The following PTPN9 variants were observed in gnomAD, a reference collection of about 807,000 sequenced individuals.
PTPN9 encodes protein tyrosine phosphatase non-receptor type 9, also known as tyrosine-protein phosphatase non-receptor type 9.
Under a neutral mutation model 69.8 loss-of-function variants are expected in PTPN9, and 26 were observed. The observed-to-expected ratio is 0.37, with a 90% CI of 0.27 to 0.52. PTPN9 has a LOEUF of 0.52. Ranked by LOEUF, PTPN9 falls within the 20% of genes least tolerant of loss-of-function variation. The probability of loss-of-function intolerance (pLI) is 0.91; values close to 1 mark genes in which losing one functional copy is unlikely to be tolerated. For missense variants in PTPN9, 549 were observed against 740.3 expected, an observed-to-expected ratio of 0.74 and a Z score of 3.00; for synonymous variants, 274 against 272.5, an observed-to-expected ratio of 1.01 and a Z score of -0.05.
rs2074534299 is a variant in PTPN9, at chr15:75,465,766, T to C, written c.*3003A>G. ...AGATAACCTCACCAGTCTTCAGATA[T>C]GCAATGAGGAACTCATGCATAACCT... On this transcript the variant is annotated 3_prime_UTR_variant, in exon 13 of 13. Transcript: ENST00000618819. The C allele has an allele frequency of 6.6e-6, 1 of 152,242 alleles. No homozygotes were observed. The highest frequency in any genetic ancestry group is 1.5e-5 in the Non-Finnish European group (1 of 68,054). The allele number at this position is 152,242 out of a possible 1,614,324, so 9.4% of individuals were successfully genotyped here.
At chr15:75,556,413 T>G (rs1178403752) in intron 1 of PTPN9, among the ~76,000 whole-genome samples, 1 of 151,446 alleles carries the variant, frequency 6.6e-6, no homozygotes, top group Non-Finnish European at 1.5e-5. Flanking sequence ...GGTCTCGCTC[T>G]GTCACCCAGG....
At chr15:75,469,690 G>A (rs2074553627) in intron 12 of PTPN9, 102 bp downstream of exon 12, 2 of 1,304,838 alleles carry the variant, frequency 1.5e-6, no homozygotes, top group East Asian at 2.3e-5. Context: ...AAGGGAGCAA[G>A]TGAGTTCCTT....
intron 1 of PTPN9, among the ~76,000 whole-genome samples, chr15:75,544,476 G>A (rs2075022995): frequency 6.6e-6 from 1 of 152,196 alleles, no homozygotes; most frequent in African/African-American, 2.4e-5. Context: ...TCTACAGTGA[G>A]CTGTGATGAT....
rs1166136157 is a variant in PTPN9 at position 75,464,734 on chromosome 15, G to C, written c.*4035C>G. 1 of 152,186 alleles carries C rather than the reference G, an allele frequency of 6.6e-6. No homozygotes were observed. Among genetic ancestry groups the C allele is most frequent in the Non-Finnish European group, 1.5e-5 (1 of 68,062 alleles). The allele number at this position is 152,186 out of a possible 1,614,324, so 9.4% of individuals were successfully genotyped here. A position where few individuals can be genotyped will look rare whatever the true frequency, so the allele number is the denominator to read the frequency against. ...GTATGTGTGTCTGTCTGTCCCAAGA[G>C]ACAGGAAGCATTCCTTTCAGGGAAG... On this transcript the variant is annotated 3_prime_UTR_variant, in exon 13 of 13. Transcript: ENST00000618819.
At chr15:75,506,490 G>C (rs1186802736) in intron 6 of PTPN9, among the ~76,000 whole-genome samples, 5 of 152,050 alleles carry the variant, frequency 3.3e-5, no homozygotes, top group Admixed American at 6.6e-5. Flanking sequence ...CCAGAGGCAG[G>C]GTAGCCCAGG....
rs760632112 is a variant in PTPN9, at chr15:75,473,777, AAGG to A, written c.1130-13_1130-11del. On this transcript the variant is annotated splice_polypyrimidine_tract_variant and intron_variant, in intron 9 of 12. Coordinates refer to ENST00000618819, the MANE Select transcript of PTPN9 (RefSeq NM_002833.4). ...GTATTCTCCAAAGGACCTGAAATAAAAGGAGAAGACAAGAAACATGACTCTGGG... is the reference window on the plus strand; with the variant it reads ...GTATTCTCCAAAGGACCTGAAATAAAAGAAGACAAGAAACATGACTCTGGG... The A allele has an allele frequency of 1.9e-5, 29 of 1,548,524 alleles. No individual in the cohort carries two copies. Among genetic ancestry groups the A allele is most frequent in the African/African-American group, 4.1e-5 (3 of 73,334 alleles).
intron 1 of PTPN9, among the ~76,000 whole-genome samples, chr15:75,559,687 T>G (rs2075095117): frequency 6.6e-6 from 1 of 150,884 alleles, no homozygotes; most frequent in Non-Finnish European, 1.5e-5. Context: ...TGTTCACTTG[T>G]TTATCTGCTG....
intron 7 of PTPN9, among the ~76,000 whole-genome samples, chr15:75,496,406 T>A (rs773465117): frequency 2.6e-5 from 4 of 151,854 alleles, no homozygotes; most frequent in Non-Finnish European, 4.4e-5. Context: ...ATGTTACATA[T>A]AATTATTGGA....
At position 75,509,022 on chromosome 15, in the gene PTPN9, T is replaced by C; in HGVS notation, c.534A>G (p.Ala178=). ...GCACCTTCTTCAAACGAGCTGGAAATGCTCCCTGTGGAGAAAACACATGAG... is the reference window on the plus strand; with the variant it reads ...GCACCTTCTTCAAACGAGCTGGAAACGCTCCCTGTGGAGAAAACACATGAG... ...GKKVLNLLKG[A]FPARLKKVLI... The change falls in exon 6 of 13, where the codon GCA becomes GCG. Residue 178 remains alanine, a synonymous_variant. Transcript: ENST00000618819. 6.2e-7 allele frequency: 1 copy of C among 1,613,544 alleles called. No individual in the cohort carries two copies. Among genetic ancestry groups the C allele is most frequent in the Admixed American group, 1.7e-5 (1 of 59,996 alleles).
At chr15:75,516,392 C>T (rs1210547768) in intron 5 of PTPN9, among the ~76,000 whole-genome samples, 1 of 151,044 alleles carries the variant, frequency 6.6e-6, no homozygotes, top group Non-Finnish European at 1.5e-5. Context: ...CAAGCTCCGC[C>T]TCCCGGATTC....
chr15:75,563,777 T>C (rs2075114878), intron 1 of PTPN9, among the ~76,000 whole-genome samples: 1 of 152,208 alleles, frequency 6.6e-6, no homozygotes, highest in Non-Finnish European at 1.5e-5. Flanking sequence ...TATAGTTTAA[T>C]AACTGCCTTC....
chr15:75,521,301 A>C (rs1040288107), intron 4 of PTPN9, among the ~76,000 whole-genome samples: 2 of 151,188 alleles, frequency 1.3e-5, no homozygotes, highest in Non-Finnish European at 3.0e-5. Flanking sequence ...AAAAAAAAAA[A>C]AAAAAACGGG....
At chr15:75,487,842 T>C (rs2074687439) in intron 8 of PTPN9, 2 of 152,226 alleles carry the variant, frequency 1.3e-5, no homozygotes, top group Admixed American at 1.3e-4. Flanking sequence ...ACATGTCATA[T>C]ATGCCCAAAT....
At chr15:75,532,401 C>CA (rs577778299) in intron 1 of PTPN9, among the ~76,000 whole-genome samples, 3,180 of 132,928 alleles carry the variant, frequency 0.024, 175 homozygotes, top group Admixed American at 0.13. Context: ...GACTCTGTCT[C>CA]AAAAAAAAAA....
intron 1 of PTPN9, among the ~76,000 whole-genome samples, chr15:75,554,757 A>C (rs1189340582): frequency 6.6e-6 from 1 of 152,188 alleles, no homozygotes; most frequent in East Asian, 1.9e-4. Flanking sequence ...ACAAAGAATG[A>C]AGTCTTAAAT....
intron 5 of PTPN9, among the ~76,000 whole-genome samples, chr15:75,509,996 A>T (rs1417349030): frequency 6.6e-6 from 1 of 152,202 alleles, no homozygotes; most frequent in East Asian, 1.9e-4. Context: ...AAATTTTAAC[A>T]ATAATAAATA....
chr15:75,575,174 T>C (rs2075166357), intron 1 of PTPN9, among the ~76,000 whole-genome samples: 1 of 41,768 alleles, frequency 2.4e-5, no homozygotes, highest in African/African-American at 2.3e-4. Flanking sequence ...GGGGTTTCAC[T>C]GTGTTAGCCA....
At chr15:75,541,098 TA>T (rs958331795) in intron 1 of PTPN9, among the ~76,000 whole-genome samples, 2 of 149,922 alleles carry the variant, frequency 1.3e-5, no homozygotes, top group South Asian at 2.1e-4. Flanking sequence ...AAATAAAAAA[TA>T]AAAAAAAAGA....
At chr15:75,541,561 C>T (rs1471918190) in intron 1 of PTPN9, among the ~76,000 whole-genome samples, 1 of 151,494 alleles carries the variant, frequency 6.6e-6, no homozygotes, top group Non-Finnish European at 1.5e-5. Context: ...TGCGCGCCAC[C>T]ATGCCTGGCT....
Sources: allele counts gnomAD v4.1 joint callset (sites outside exome capture counted in the v4.1 genomes callset), GRCh38; gene constraint gnomAD v4.1.1; transcripts MANE v1.5; gene names NCBI Gene and HGNC (gene_info 2026-07-23, HGNC 2026-07-21).